Variants in GRIK2 observed in about 807,000 individuals in gnomAD.
GRIK2 encodes glutamate receptor ionotropic, kainate 2.
A neutral mutation model predicts 100.3 loss-of-function variants in GRIK2; 32 were observed. The ratio of observed to expected loss-of-function variants is 0.32; its 90% CI spans 0.24 to 0.43. The LOEUF (loss-of-function observed/expected upper bound fraction) is 0.43. Among genes scored for constraint, GRIK2 ranks in the 20% least tolerant of loss-of-function variants. The pLI is 1.00. For synonymous variants in GRIK2, 417 were observed against 389.4 expected (o/e 1.07, Z -0.83); for missense variants, 843 against 1,114.9 (o/e 0.76, Z 3.47).
intron 2 of GRIK2, among the ~76,000 whole-genome samples, chr6:101,600,212 GTA>G (rs1779139671): frequency 6.6e-6 from 1 of 151,698 alleles, no homozygotes; most frequent in South Asian, 2.1e-4. Context: ...ATGGCTGTAG[GTA>G]TGCAAGTTTA....
intron 2 of GRIK2, among the ~76,000 whole-genome samples, chr6:101,608,669 C>T (rs902857865): frequency 9.2e-5 from 14 of 151,822 alleles, no homozygotes; most frequent in African/African-American, 2.9e-4. Context: ...ATAATTCTCA[C>T]TAACGAATTT....
chr6:101,704,965 CATAT>C (rs1381844398), intron 7 of GRIK2, among the ~76,000 whole-genome samples: 3 of 144,866 alleles, frequency 2.1e-5, no homozygotes, highest in Non-Finnish European at 4.5e-5. Flanking sequence ...TTCTAACTTT[CATAT>C]ATATTTATAT....
intron 2 of GRIK2, among the ~76,000 whole-genome samples, chr6:101,420,219 A>G (rs1186598397): frequency 3.9e-5 from 6 of 152,230 alleles, no homozygotes; most frequent in African/African-American, 1.2e-4. Context: ...CTTCCCACCC[A>G]GTAAATTTCA....
chr6:101,394,978 T>C (rs1774948677), intron 1 of GRIK2, among the ~76,000 whole-genome samples: 1 of 152,260 alleles, frequency 6.6e-6, no homozygotes, highest in Admixed American at 6.5e-5. Flanking sequence ...GTAAATTTAT[T>C]CCACTTCAAT....
intron 2 of GRIK2, among the ~76,000 whole-genome samples, chr6:101,451,694 G>GA (rs928623227): frequency 9.4e-5 from 7 of 74,162 alleles, no homozygotes; most frequent in African/African-American, 1.3e-4. Flanking sequence ...ATTTATCTCT[G>GA]AGGGGGGGGG....
intron 2 of GRIK2, among the ~76,000 whole-genome samples, chr6:101,445,850 T>A (rs1174397794): frequency 6.6e-6 from 1 of 152,084 alleles, no homozygotes; most frequent in Non-Finnish European, 1.5e-5. Context: ...TACCTATGAA[T>A]GAGGCCAAAA....
chr6:101,847,807 G>C (rs1783897098), intron 10 of GRIK2, among the ~76,000 whole-genome samples: 1 of 152,010 alleles, frequency 6.6e-6, no homozygotes, highest in South Asian at 2.1e-4. Context: ...GACTATACGG[G>C]AGCTTGTCCC....
chr6:101,744,554 A>ATACACACATATATATATATACGTG (rs1562351817), intron 7 of GRIK2: 1 of 114,814 alleles, frequency 8.7e-6, no homozygotes, highest in African/African-American at 3.6e-5. Flanking sequence ...ATATATATAT[A>ATACACACATATATATATATACGTG]TATATCACAA....
intron 14 of GRIK2, among the ~76,000 whole-genome samples, chr6:102,029,944 T>G (rs2114402165): frequency 6.6e-6 from 1 of 151,388 alleles, no homozygotes; most frequent in Admixed American, 6.6e-5. Flanking sequence ...TATATAAAGT[T>G]ATCATAATCA....
chr6:101,432,088 C>A (rs1414919986), intron 2 of GRIK2, among the ~76,000 whole-genome samples: 3 of 151,902 alleles, frequency 2.0e-5, no homozygotes, highest in Non-Finnish European at 2.9e-5. Flanking sequence ...TTAATTGTTG[C>A]TCTTCTCATT....
intron 10 of GRIK2, among the ~76,000 whole-genome samples, chr6:101,824,572 A>C (rs781593915): frequency 6.6e-6 from 1 of 152,138 alleles, no homozygotes; most frequent in South Asian, 2.1e-4. Flanking sequence ...TTGTCCATCA[A>C]AAGATTAGTA....
intron 12 of GRIK2, among the ~76,000 whole-genome samples, chr6:101,914,108 G>A (rs1788938960): frequency 6.6e-6 from 1 of 151,338 alleles, no homozygotes; most frequent in Non-Finnish European, 1.5e-5. Flanking sequence ...TAGTAATAAG[G>A]GGAGTGTGAA....
chr6:101,707,586 G>GTATATATATATA (rs1482076939), intron 7 of GRIK2, among the ~76,000 whole-genome samples: 1 of 132,552 alleles, frequency 7.5e-6, no homozygotes, highest in African/African-American at 3.1e-5. Context: ...ATGTGTGTGT[G>GTATATATATATA]TGTGTGTGTA....
At chr6:101,648,798 A>G (rs1184146963) in intron 4 of GRIK2, among the ~76,000 whole-genome samples, 2 of 152,102 alleles carry the variant, frequency 1.3e-5, no homozygotes, top group East Asian at 1.9e-4. Flanking sequence ...ATAAAAAGAT[A>G]CCTGAGATTG....
Position 101,613,467 on chromosome 6 carries a change from G to C in GRIK2, c.116-8482G>C, listed in dbSNP as rs184487727. On this transcript the variant is annotated intron_variant, in intron 2 of 16. Transcript: ENST00000369134. The stretch of plus-strand genomic sequence containing the variant: ...GATGTTGAATAAGTTAATAATAACA[G>C]TTGATGATAGAATTAGGCCCCAAGT... Among the ~76,000 whole-genome samples, 131 of 151,882 alleles carry C rather than the reference G, an allele frequency of 8.6e-4. 2 individuals carry two copies. Among genetic ancestry groups the C allele is most frequent in the Admixed American group, 8.6e-3 (130 of 15,184 alleles).
intron 14 of GRIK2, among the ~76,000 whole-genome samples, chr6:101,945,851 A>C (rs1273420725): frequency 1.3e-5 from 2 of 150,226 alleles, no homozygotes; most frequent in South Asian, 2.1e-4. Flanking sequence ...TGTGAATTTC[A>C]TGAGGTCAAA....
At chr6:101,471,555 A>G (rs2579939) in intron 2 of GRIK2, among the ~76,000 whole-genome samples, 33,775 of 151,898 alleles carry the variant, frequency 0.22, 4,344 homozygotes, top group East Asian at 0.31. Flanking sequence ...CATGAAAATG[A>G]CTTTAAACAT....
At chr6:101,610,985 G>A (rs968033247) in intron 2 of GRIK2, among the ~76,000 whole-genome samples, 3 of 151,576 alleles carry the variant, frequency 2.0e-5, no homozygotes, top group Non-Finnish European at 4.4e-5. Flanking sequence ...TAACATTTAA[G>A]TAGCCATTTC....
At chr6:102,002,928 C>A (rs2114269349) in intron 14 of GRIK2, among the ~76,000 whole-genome samples, 1 of 150,920 alleles carries the variant, frequency 6.6e-6, no homozygotes, top group South Asian at 2.1e-4. Context: ...TTGACTTTAT[C>A]CTTTATGATT....
Sources: allele counts gnomAD v4.1 joint callset (sites outside exome capture counted in the v4.1 genomes callset), GRCh38; gene constraint gnomAD v4.1.1; transcripts MANE v1.5; gene names NCBI Gene and HGNC (gene_info 2026-07-23, HGNC 2026-07-21).